The following URI1 variants were observed in gnomAD, a reference collection of about 807,000 sequenced individuals.
URI1 encodes unconventional prefoldin RPB5 interactor 1.
In URI1, 39 loss-of-function variants were observed where a neutral mutation model predicts 60.2. The ratio of observed to expected loss-of-function variants is 0.65; its 90% CI spans 0.50 to 0.85. The LOEUF (loss-of-function observed/expected upper bound fraction) is 0.85, where lower values mean the gene tolerates loss of function less well. Among genes scored for constraint, URI1 ranks in the 40% least tolerant of loss-of-function variants. URI1 has a pLI of 0.00. For missense variants in URI1, 691 were observed against 665.9 expected, an observed-to-expected ratio of 1.04 and a Z score of -0.42; for synonymous variants, 251 against 236.8, an observed-to-expected ratio of 1.06 and a Z score of -0.55.
At chr19:30,005,210 T>C (rs1372203270) in intron 4 of URI1, 151 bp from the exon 5 acceptor site, 6 of 535,128 alleles carry the variant, frequency 1.1e-5, no homozygotes, top group Admixed American at 7.5e-5. Context: ...GTATAACTTA[T>C]TAAAAGTCCA....
chr19:30,015,231 G>T lies in URI1; in HGVS notation c.*162G>T. The stretch of plus-strand genomic sequence containing the variant: ...ACCCGTGGTATTTGAAAAAAATCAA[G>T]GTAACTGTCTGAATACTTTAATATC... On this transcript the variant is annotated 3_prime_UTR_variant, in exon 11 of 11. Transcript: ENST00000392271. The T allele has an allele frequency of 7.1e-7, 1 of 1,416,420 alleles. No homozygotes were observed. The highest frequency in any genetic ancestry group is 9.2e-7 in the Non-Finnish European group (1 of 1,089,092). The allele number at this position is 1,416,420 out of a possible 1,614,324, so 87.7% of individuals were successfully genotyped here.
chr19:29,929,940 CT>C (rs201789370), intron 1 of URI1, among the ~76,000 whole-genome samples: 11,798 of 136,100 alleles, frequency 0.087, 485 homozygotes, highest in East Asian at 0.2. Flanking sequence ...GACAGTGTCT[CT>C]TTTTTTTTTT....
chr19:29,994,699 ATATT>A (rs773571928), intron 4 of URI1, among the ~76,000 whole-genome samples: 10 of 152,134 alleles, frequency 6.6e-5, no homozygotes, highest in East Asian at 5.8e-4. Context: ...AGGTATACAA[ATATT>A]TATTTAGTTC....
chr19:30,011,149 A>C lies in URI1; in HGVS notation c.1091A>C (p.Glu364Ala), dbSNP rs1172225795. The part of the protein sequence containing the change: ...TTLKFSEKKE[E>A]AKRKRKNSTG... ...TTAAAATTCAGTGAAAAGAAAGAAG[A>C]AGCCAAACGTAAACGAAAGAACAGC... Residue 364 changes from glutamate (E) to alanine (A), a missense_variant, in exon 9 of 11, where the codon GAA becomes GCA. Transcript: ENST00000392271. The C allele has an allele frequency of 8.7e-6, 14 of 1,613,166 alleles. No individual in the cohort carries two copies. The highest frequency in any genetic ancestry group is 2.2e-5 in the South Asian group (2 of 90,828).
rs996588850 is a variant in URI1, at chr19:30,005,569, G to A, written c.460-82G>A. ...GTTTAAAATGCTTTCAGACATCTTA[G>A]GTTGAATAGTTGCTCTTTGGATAAT... On this transcript the variant is annotated intron_variant, in intron 5 of 10. Coordinates refer to ENST00000392271, the MANE Select transcript of URI1 (RefSeq NM_003796.3). 6 of 1,536,878 alleles carry A rather than the reference G, an allele frequency of 3.9e-6. No individual in the cohort carries two copies. In the East Asian group the frequency reaches 1.4e-4, roughly 35 times the overall value.
rs188830653 is a variant in URI1, at chr19:29,958,222, T to G, written c.118-12971T>G. On this transcript the variant is annotated intron_variant, in intron 1 of 10. Transcript: ENST00000392271. The stretch of plus-strand genomic sequence containing the variant: ...GTTCTTAAGTTTTTTTTTATGGTTG[T>G]TTGTTTTGTTTTGTTTTTTGCCCTA... The G allele has an allele frequency of 8.1e-4, 124 of 152,254 alleles. 1 individual carries two copies. Among genetic ancestry groups the G allele is most frequent in the African/African-American group, 2.3e-3 (97 of 41,512 alleles). 9.4% of individuals were successfully genotyped at this position (152,254 alleles called of 1,614,324 possible).
intron 1 of URI1, among the ~76,000 whole-genome samples, chr19:29,970,404 CAG>C (rs1258031287): frequency 2.0e-5 from 3 of 151,932 alleles, no homozygotes; most frequent in Non-Finnish European, 2.9e-5. Context: ...TCCTTGAAAA[CAG>C]TGTTAATTCT....
intron 4 of URI1, among the ~76,000 whole-genome samples, chr19:30,000,051 T>C (rs934612113): frequency 6.6e-6 from 1 of 151,986 alleles, no homozygotes; most frequent in Non-Finnish European, 1.5e-5. Context: ...CATTTTTACA[T>C]GTCCTCCCTG....
chr19:29,939,592 G>T (rs1468092247), upstream of URI1, among the ~76,000 whole-genome samples: 1 of 152,178 alleles, frequency 6.6e-6, no homozygotes, highest in Admixed American at 6.5e-5. Context: ...TCATTTGAAA[G>T]TGTGATAAGT....
intron 2 of URI1, among the ~76,000 whole-genome samples, chr19:29,980,601 AT>A (rs201108779): frequency 0.018 from 1,348 of 73,958 alleles, 44 homozygotes; most frequent in African/African-American, 0.064. Flanking sequence ...GTGATAGAAG[AT>A]TTTTTTTCTT....
intron 2 of URI1, among the ~76,000 whole-genome samples, chr19:29,982,833 AC>A (rs1350695756): frequency 6.6e-6 from 1 of 152,212 alleles, no homozygotes; most frequent in East Asian, 1.9e-4. Flanking sequence ...GAGTTTTGGA[AC>A]CAAAATAGTA....
intron 8 of URI1, among the ~76,000 whole-genome samples, chr19:30,009,685 T>A (rs2055993721): frequency 6.6e-6 from 1 of 152,190 alleles, no homozygotes. Flanking sequence ...GACATTTTGG[T>A]GTGCTTAGGA....
In URI1 at chr19:29,953,704, A is replaced by G. The variant is rs1272478364; in HGVS notation, c.117+11040A>G. On this transcript the variant is annotated intron_variant, in intron 1 of 10. Coordinates refer to ENST00000392271, the MANE Select transcript of URI1 (RefSeq NM_003796.3). ...ATTTTCTTATTAGTTTTTTTTTTTT[A>G]GAGCGTAGTTAGGAATAGTTGATCA... Among the ~76,000 whole-genome samples the G allele has an allele frequency of 4.4e-5, 5 of 112,690 alleles. No individual in the cohort carries two copies. The East Asian group carries it at 7.3e-4, about 16-fold the overall frequency. 73.9% of individuals were successfully genotyped at this position (112,690 alleles called of 152,430 possible).
rs1488440130 is a variant in URI1 at position 29,956,940 on chromosome 19, T to C, written c.118-14253T>C. On this transcript the variant is annotated intron_variant, in intron 1 of 10. Coordinates refer to ENST00000392271, the MANE Select transcript of URI1 (RefSeq NM_003796.3). ...ACTGTGCGTCCCTTCAGAGTAACGT[T>C]GACATTTTCTGGAATGTCAACAGTC... 33 of 1,011,728 alleles carry C rather than the reference T, an allele frequency of 3.3e-5. No individual in the cohort carries two copies. In the Admixed American group the frequency reaches 4.8e-4, roughly 15 times the overall value. The allele number at this position is 1,011,728 out of a possible 1,614,324, so 62.7% of individuals were successfully genotyped here.
intron 1 of URI1, among the ~76,000 whole-genome samples, chr19:29,958,831 G>A (rs773015774): frequency 2.6e-5 from 4 of 151,716 alleles, no homozygotes; most frequent in Non-Finnish European, 5.9e-5. Context: ...GTGGTGGCGG[G>A]GGCCTGTAAT....
At chr19:29,959,262 G>A (rs1023799127) in intron 1 of URI1, among the ~76,000 whole-genome samples, 1 of 152,064 alleles carries the variant, frequency 6.6e-6, no homozygotes, top group African/African-American at 2.4e-5. Flanking sequence ...AGTAGCTGGG[G>A]CTATAGGAAT....
intron 4 of URI1, among the ~76,000 whole-genome samples, chr19:29,988,259 C>A (rs1209453180): frequency 6.6e-6 from 1 of 151,692 alleles, no homozygotes; most frequent in Non-Finnish European, 1.5e-5. Flanking sequence ...TGTTGTACTT[C>A]ACATTTATTA....
intron 1 of URI1, among the ~76,000 whole-genome samples, chr19:29,946,900 G>A (rs2055109436): frequency 6.6e-6 from 1 of 152,134 alleles, no homozygotes; most frequent in South Asian, 2.1e-4. Flanking sequence ...ACACTCTAGG[G>A]GTGAAGGCAT....
chr19:29,943,301 T>G (rs1267260940), intron 1 of URI1, among the ~76,000 whole-genome samples: 1 of 152,174 alleles, frequency 6.6e-6, no homozygotes, highest in Non-Finnish European at 1.5e-5. Flanking sequence ...TAAATGAGTT[T>G]TAAACTACTG....
Sources: allele counts gnomAD v4.1 joint callset (sites outside exome capture counted in the v4.1 genomes callset), GRCh38; gene constraint gnomAD v4.1.1; transcripts MANE v1.5; gene names NCBI Gene and HGNC (gene_info 2026-07-23, HGNC 2026-07-21).